Variants in TPR observed in about 807,000 individuals in gnomAD.
The protein encoded by TPR is nucleoprotein TPR.
TPR carries 51 observed loss-of-function variants against 316.1 expected under a neutral mutation model. That is an observed-to-expected ratio of 0.16 (90% confidence interval 0.13 to 0.20). TPR has a LOEUF of 0.20. TPR is among the 10% of genes least tolerant of loss of function. The probability of loss-of-function intolerance (pLI) is 1.00; values close to 1 mark genes in which losing one functional copy is unlikely to be tolerated. For synonymous variants in TPR, 981 were observed against 914.7 expected (o/e 1.07, Z -1.31); for missense variants, 2,272 against 2,754.8 (o/e 0.82, Z 3.92).
chr1:186,322,217 G>T, intron 45 of TPR, 101 bp downstream of exon 45: 1 of 1,109,054 alleles, frequency 9.0e-7, no homozygotes, highest in Non-Finnish European at 1.3e-6. Context: ...TAGTAGAGAG[G>T]GACTCAACAA....
rs1221420065 is a variant in TPR, at chr1:186,317,025, A to C, written c.6940+457T>G. 2.6e-5 allele frequency among the ~76,000 whole-genome samples: 4 copies of C among 152,342 alleles called. No individual in the cohort carries two copies. In the South Asian group the frequency reaches 6.2e-4, roughly 24 times the overall value. On this transcript the variant is annotated intron_variant, in intron 49 of 50. Transcript: ENST00000367478. ...TAAGCAACTGAGCTCTTACCCCTTA[A>C]CTCTCCACATCAAATCTCATGTAGA...
chr1:186,361,086 G>C (rs1659171962), intron 9 of TPR, among the ~76,000 whole-genome samples, 181 bp from the exon 10 acceptor site: 1 of 151,904 alleles, frequency 6.6e-6, no homozygotes, highest in South Asian at 2.1e-4. Flanking sequence ...GTCTTCGCCT[G>C]GTGTTTCTCC....
intron 18 of TPR, among the ~76,000 whole-genome samples, chr1:186,353,366 T>C (rs56391101): frequency 0.055 from 8,282 of 150,704 alleles, 353 homozygotes; most frequent in Non-Finnish European, 0.085. Flanking sequence ...AGTGAGACTC[T>C]GTCTCAAGAA....
Position 186,319,773 on chromosome 1 carries a change from C to T in TPR, c.6568+539G>A, listed in dbSNP as rs555539195. On this transcript the variant is annotated intron_variant, in intron 46 of 50. Coordinates refer to ENST00000367478, the MANE Select transcript of TPR (RefSeq NM_003292.3). Reference sequence around the variant, plus strand: ...TTCCAACTGAGGATTAAAAGGTAATCAATTCCACAAACAGCATAATTCACA... The same window carrying T: ...TTCCAACTGAGGATTAAAAGGTAATTAATTCCACAAACAGCATAATTCACA... Among the ~76,000 whole-genome samples, 23 of 152,290 alleles carry T rather than the reference C, an allele frequency of 1.5e-4. No homozygotes were observed. In the South Asian group the frequency reaches 4.8e-3, roughly 32 times the overall value.
Position 186,350,211 on chromosome 1 carries a change from T to C in TPR, c.2776+12A>G. The C allele has an allele frequency of 1.3e-6, 2 of 1,593,054 alleles. No homozygotes were observed. Among genetic ancestry groups the C allele is most frequent in the Non-Finnish European group, 1.7e-6 (2 of 1,172,836 alleles). On this transcript the variant is annotated intron_variant, in intron 21 of 50. Coordinates refer to ENST00000367478, the MANE Select transcript of TPR (RefSeq NM_003292.3). ...TTATTTACAATTATATTGGTCTACT[T>C]ATTTTATTTACCTTTACCAGTTCTC...
Position 186,355,727 on chromosome 1 carries a change from G to A in TPR, c.1930C>T (p.Arg644Cys), listed in dbSNP as rs1337881719. The change falls in exon 16 of 51, where the codon CGT becomes TGT. Residue 644 changes from arginine (R) to cysteine (C), a missense_variant. Arg to Cys is a radical substitution (Grantham distance 180, BLOSUM62 -3). Around this residue, in one of 10 missense-constraint regions of TPR, gnomAD observed 757 missense variants for 859.8 expected, o/e 0.88. Coordinates refer to ENST00000367478, the MANE Select transcript of TPR (RefSeq NM_003292.3). ...GAAACAGTCTGTGATGTACTTGGAC[G>A]TTTTGGAGTTGATGCAAGAGAAACA... ...DDVSLASTPKRPSTSQTVSTP... is the reference protein window; with the variant it reads ...DDVSLASTPKCPSTSQTVSTP... 2.5e-6 allele frequency: 4 copies of A among 1,613,942 alleles called. No individual in the cohort carries two copies. Among genetic ancestry groups the A allele is most frequent in the Non-Finnish European group, 3.4e-6 (4 of 1,180,012 alleles).
In TPR at chr1:186,373,477, G is replaced by A. The variant is rs200369872; in HGVS notation, c.152-14C>T. ...AATACTGTTGTTCTACAGCAGACAA[G>A]CAAAAAACAAAAAACAAAATCAAAC... On this transcript the variant is annotated splice_polypyrimidine_tract_variant and intron_variant, in intron 1 of 50. Coordinates refer to ENST00000367478, the MANE Select transcript of TPR (RefSeq NM_003292.3). The A allele has an allele frequency of 4.2e-4, 664 of 1,573,662 alleles. No individual in the cohort carries two copies. The highest frequency in any genetic ancestry group is 7.8e-4 in the Admixed American group (44 of 56,768).
chr1:186,320,275 A>C, intron 46 of TPR, 37 bp downstream of exon 46: 1 of 1,542,338 alleles, frequency 6.5e-7, no homozygotes, highest in African/African-American at 1.4e-5. Context: ...TACCAAATAC[A>C]TACAAATTCA....
rs1314414188 is a variant in TPR at position 186,312,669 on chromosome 1, A to G, written c.*1302T>C. On this transcript the variant is annotated 3_prime_UTR_variant, in exon 51 of 51. Coordinates refer to ENST00000367478, the MANE Select transcript of TPR (RefSeq NM_003292.3). Reference sequence around the variant, plus strand: ...CTATAACCCTCAATAGTTCTACATCAGAGGGCTAAAACTGAGATTAAAACT... The same window carrying G: ...CTATAACCCTCAATAGTTCTACATCGGAGGGCTAAAACTGAGATTAAAACT... The G allele has an allele frequency of 2.4e-6, 3 of 1,264,118 alleles. No individual in the cohort carries two copies. The highest frequency in any genetic ancestry group is 2.9e-5 in the African/African-American group (2 of 67,942). The allele number at this position is 1,264,118 out of a possible 1,614,324, so 78.3% of individuals were successfully genotyped here.
intron 15 of TPR, 151 bp downstream of exon 15, chr1:186,356,135 G>A (rs1659022190): frequency 3.0e-6 from 2 of 669,966 alleles, no homozygotes; most frequent in Non-Finnish European, 4.7e-6. Context: ...ATAATGGTAT[G>A]TTTTACAGTT....
chr1:186,357,301 C>T, intron 14 of TPR, 96 bp downstream of exon 14: 2 of 1,184,428 alleles, frequency 1.7e-6, no homozygotes, highest in East Asian at 2.4e-5. Context: ...CCCATTTAGG[C>T]CTCCCAAAAC....
intron 23 of TPR, 86 bp from the exon 24 acceptor site, chr1:186,345,782 C>A: frequency 1.0e-6 from 1 of 991,378 alleles, no homozygotes. Context: ...AAATTGAAGT[C>A]TCATTTTTTA....
chr1:186,357,538 C>G lies in TPR; in HGVS notation c.1583G>C (p.Ser528Thr). Residue 528 changes from serine (S) to threonine (T), a missense_variant, in exon 14 of 51, where the codon AGT becomes ACT. Physicochemically the swap from Ser to Thr is moderately conservative, Grantham distance 58 (BLOSUM62 1). Coordinates refer to ENST00000367478, the MANE Select transcript of TPR (RefSeq NM_003292.3). ...DEEVSSADISSSSEVISQHLV... is the reference protein window; with the variant it reads ...DEEVSSADISTSSEVISQHLV... ...ATGCTGTGATATTACCTCAGATGAA[C>G]TACTTATATCAGCAGAGCTTACTTC... 2 of 1,614,040 alleles carry G rather than the reference C, an allele frequency of 1.2e-6. No homozygotes were observed. The highest frequency in any genetic ancestry group is 1.7e-6 in the Non-Finnish European group (2 of 1,180,016).
intron 17 of TPR, among the ~76,000 whole-genome samples, chr1:186,354,898 TTTTTA>T (rs139877168): frequency 0.29 from 43,476 of 151,554 alleles, 6,747 homozygotes; most frequent in Admixed American, 0.38. Flanking sequence ...CTTCAACTTA[TTTTTA>T]TTTTATTTTA....
Position 186,312,114 on chromosome 1 carries a change from CCTTTT to C in TPR, c.*1852_*1856del. The stretch of plus-strand genomic sequence containing the variant: ...TATACATTGTAAAAGTTGTTTTCCA[CCTTTT>C]CTGAGGGTATTAAAATTAATTTTCA... On this transcript the variant is annotated 3_prime_UTR_variant, in exon 51 of 51. Coordinates refer to ENST00000367478, the MANE Select transcript of TPR (RefSeq NM_003292.3). The C allele has an allele frequency of 6.7e-7, 1 of 1,486,596 alleles. No individual in the cohort carries two copies. The highest frequency in any genetic ancestry group is 9.4e-7 in the Non-Finnish European group (1 of 1,069,330). The allele number at this position is 1,486,596 out of a possible 1,614,324, so 92.1% of individuals were successfully genotyped here. A position where few individuals can be genotyped will look rare whatever the true frequency, so the allele number is the denominator to read the frequency against.
In TPR at chr1:186,335,356, A is replaced by C. The variant is rs752740726; in HGVS notation, c.4893T>G (p.Pro1631=). The change falls in exon 34 of 51, where the codon CCT becomes CCG. Residue 1631 remains proline (P), a synonymous_variant. Transcript: ENST00000367478. ...TAATCACCTTATTAGAAGGTTCTTG[A>C]GGCTCATCTCTCTGCTCAAGGTGTC... ...QERHLEQRDE[P]QEPSNKVPEQ... 1 of 1,613,512 alleles carries C rather than the reference A, an allele frequency of 6.2e-7. No homozygotes were observed. The highest frequency in any genetic ancestry group is 8.5e-7 in the Non-Finnish European group (1 of 1,179,650).
In TPR at chr1:186,357,500, T is replaced by C; in HGVS notation, c.1621A>G (p.Arg541Gly). Residue 541 changes from arginine to glycine, a missense_variant, in exon 14 of 51, where the codon AGA (arginine) becomes GGA (glycine). Physicochemically the swap from Arg to Gly is moderately radical, Grantham distance 125 (BLOSUM62 -2). Around this residue, in one of 10 missense-constraint regions of TPR, gnomAD observed 11 missense variants for 36.7 expected, o/e 0.30. Transcript: ENST00000367478. ...TGTTGTTGAAGCTCTTCAATATTTC[T>C]GTAAGATACTAGATGCTGTGATATT... ...EVISQHLVSY[R>G]NIEELQQQNQ... is the part of the protein sequence containing the mutation. The C allele has an allele frequency of 1.2e-6, 2 of 1,614,162 alleles. No individual in the cohort carries two copies. The highest frequency in any genetic ancestry group is 1.7e-6 in the Non-Finnish European group (2 of 1,180,034).
chr1:186,347,617 T>C (rs1172783816), intron 21 of TPR, among the ~76,000 whole-genome samples, 159 bp from the exon 22 acceptor site: 2 of 152,240 alleles, frequency 1.3e-5, no homozygotes, highest in African/African-American at 4.8e-5. Context: ...GCAGGTACTT[T>C]GTTATGTTAC....
intron 48 of TPR, 27 bp downstream of exon 48, chr1:186,318,420 A>G (rs2102049687): frequency 6.3e-7 from 1 of 1,596,370 alleles, no homozygotes; most frequent in South Asian, 1.1e-5. Flanking sequence ...GACTAAAGCA[A>G]GCAAAAACAA....
Sources: allele counts gnomAD v4.1 joint callset (sites outside exome capture counted in the v4.1 genomes callset), GRCh38; gene constraint gnomAD v4.1.1; regional missense constraint gnomAD v4.1.1; transcripts MANE v1.5; gene names NCBI Gene and HGNC (gene_info 2026-07-23, HGNC 2026-07-21).